MRS2: variants seen among roughly 807,000 people sequenced by gnomAD.
MRS2 encodes the protein magnesium transporter MRS2.
MRS2 carries 40 observed loss-of-function variants against 52.6 expected under a neutral mutation model. The observed-to-expected ratio is 0.76, with a 90% CI of 0.59 to 0.99. The LOEUF is 0.99. Ranked by LOEUF, MRS2 falls within the 50% of genes least tolerant of loss-of-function variation. MRS2 has a pLI of 0.00. For missense variants in MRS2, 472 were observed against 532.7 expected (o/e 0.89, Z 1.12); for synonymous variants, 193 against 195.9 (o/e 0.98, Z 0.13).
Position 24,423,057 on chromosome 6 carries a change from A to C in MRS2, c.1221+7A>C, listed in dbSNP as rs765816896. ...AGCTCCATTGCCTCCTATGGTATGA[A>C]GGATATGGTTCACGGCGGTATTGTG... is the stretch of plus-strand genomic sequence containing the variant. On this transcript the variant is annotated splice_region_variant and intron_variant, in intron 10 of 10. Transcript: ENST00000378386. 6.2e-7 allele frequency: 1 copy of C among 1,607,924 alleles called. No individual in the cohort carries two copies. The highest frequency in any genetic ancestry group is 1.1e-5 in the South Asian group (1 of 90,874).
rs1017919416 is a variant in MRS2 at position 24,416,288 on chromosome 6, G to A, written c.720-109G>A. On this transcript the variant is annotated intron_variant, in intron 6 of 10. Coordinates refer to ENST00000378386, the MANE Select transcript of MRS2 (RefSeq NM_020662.4). ...TTTTTTTTAAATAAGTCATTGTTTA[G>A]CATGAATGTATAAGATAATATATTT... is the stretch of plus-strand genomic sequence containing the variant. The A allele has an allele frequency of 5.9e-6, 3 of 504,760 alleles. No homozygotes were observed. In the African/African-American group the frequency reaches 6.1e-5, roughly 10 times the overall value. 31.3% of individuals were successfully genotyped at this position (504,760 alleles called of 1,614,324 possible).
At chr6:24,411,628 T>C (rs1761653754) in intron 4 of MRS2, among the ~76,000 whole-genome samples, 2 of 152,182 alleles carry the variant, frequency 1.3e-5, no homozygotes, top group Non-Finnish European at 2.9e-5. Context: ...AAACTCCGCC[T>C]CCCAGGTTCA....
At chr6:24,415,902 G>A (rs2127293202) in intron 6 of MRS2, among the ~76,000 whole-genome samples, 1 of 151,462 alleles carries the variant, frequency 6.6e-6, no homozygotes, top group African/African-American at 2.4e-5. Context: ...CAGTGGTGCA[G>A]TCTCAGCTCA....
Position 24,425,235 on chromosome 6 carries a change from CATA to C in MRS2, c.*1546_*1548del, listed in dbSNP as rs1333279077. 1.3e-5 allele frequency: 2 copies of C among 152,164 alleles called. No individual in the cohort carries two copies. Among genetic ancestry groups the C allele is most frequent in the Non-Finnish European group, 2.9e-5 (2 of 68,008 alleles). 9.4% of individuals were successfully genotyped at this position (152,164 alleles called of 1,614,324 possible). A position where few individuals can be genotyped will look rare whatever the true frequency, so the allele number is the denominator to read the frequency against. The stretch of plus-strand genomic sequence containing the variant: ...TTTTGGGTCGTATCACTGTAAAATA[CATA>C]ATAAGTACTACTTAACTGTGACATG... On this transcript the variant is annotated 3_prime_UTR_variant, in exon 11 of 11. Coordinates refer to ENST00000378386, the MANE Select transcript of MRS2 (RefSeq NM_020662.4).
intron 5 of MRS2, among the ~76,000 whole-genome samples, chr6:24,414,100 T>C (rs1761756810): frequency 6.6e-6 from 1 of 151,730 alleles, no homozygotes; most frequent in African/African-American, 2.4e-5. Flanking sequence ...TTATTTTACT[T>C]GATCCCTCAT....
Position 24,418,214 on chromosome 6 carries a change from A to G in MRS2, c.967A>G (p.Ile323Val), listed in dbSNP as rs775588128. The change falls in exon 8 of 11, where the codon ATT becomes GTT. Residue 323 changes from isoleucine to valine, a missense_variant. Coordinates refer to ENST00000378386, the MANE Select transcript of MRS2 (RefSeq NM_020662.4). ...LRVLIDDSQS[I>V]IFINLDSHRN... is the part of the protein sequence containing the mutation. ...GGTGCTGATTGATGATTCACAAAGT[A>G]TTATTTTCATTAATCTGGACAGGTA... The G allele has an allele frequency of 3.1e-6, 5 of 1,610,944 alleles. No homozygotes were observed. Among genetic ancestry groups the G allele is most frequent in the Non-Finnish European group, 4.2e-6 (5 of 1,178,864 alleles).
At chr6:24,405,363 C>A in intron 2 of MRS2, 122 bp downstream of exon 2, 3 of 708,866 alleles carry the variant, frequency 4.2e-6, no homozygotes, top group Admixed American at 4.9e-5. Flanking sequence ...AGCTACATGT[C>A]GTGGCTGTTG....
At chr6:24,411,856 T>TG (rs927145571) in intron 4 of MRS2, among the ~76,000 whole-genome samples, 1 of 150,496 alleles carries the variant, frequency 6.6e-6, no homozygotes, top group African/African-American at 2.4e-5. Context: ...TATTTTTTGG[T>TG]GTTTTTTTTT....
Position 24,409,503 on chromosome 6 carries a change from C to A in MRS2, c.344C>A (p.Ala115Asp). The A allele has an allele frequency of 6.2e-7, 1 of 1,611,420 alleles. No homozygotes were observed. The highest frequency in any genetic ancestry group is 8.5e-7 in the Non-Finnish European group (1 of 1,178,528). ...TTATACCAAGAGTTAGGTCTTCAAG[C>A]CAGAGATTTGAGATTTCAGCATGTA... is the stretch of plus-strand genomic sequence containing the variant. ...TELYQELGLQ[A>D]RDLRFQHVMS... is the part of the protein sequence containing the mutation. Residue 115 changes from alanine (A) to aspartate (D), a missense_variant, in exon 4 of 11, where the codon GCC becomes GAC. Physicochemically the swap from Ala to Asp is moderately radical, Grantham distance 126. Transcript: ENST00000378386.
intron 9 of MRS2, among the ~76,000 whole-genome samples, chr6:24,422,484 A>AC (rs1456563211): frequency 2.0e-4 from 31 of 152,202 alleles, no homozygotes; most frequent in African/African-American, 7.2e-4. Context: ...ACAGTATCGG[A>AC]AGACAAAAAA....
At chr6:24,418,264 T>A in intron 8 of MRS2, 28 bp downstream of exon 8, 2 of 1,519,680 alleles carry the variant, frequency 1.3e-6, no homozygotes, top group Non-Finnish European at 1.8e-6. Context: ...AAAACTAAGT[T>A]TTTTTAATAA....
At chr6:24,411,365 A>G (rs949859512) in intron 4 of MRS2, among the ~76,000 whole-genome samples, 1 of 152,160 alleles carries the variant, frequency 6.6e-6, no homozygotes, top group African/African-American at 2.4e-5. Flanking sequence ...AAATTAGAGT[A>G]GTAAGGCTAT....
rs769591847 is a variant in MRS2, at chr6:24,418,494, G to C, written c.1023G>C (p.Gln341His). The change falls in exon 9 of 11, where the codon CAG becomes CAC. Residue 341 changes from glutamine to histidine, a missense_variant. Physicochemically the swap from Gln to His is conservative, Grantham distance 24 (BLOSUM62 0). Coordinates refer to ENST00000378386, the MANE Select transcript of MRS2 (RefSeq NM_020662.4). ...ACGTGATGATGAGGTTGAATCTACA[G>C]CTGACCATGGGAACCTTCTCTCTTT... Reference protein sequence around the residue: ...HRNVMMRLNLQLTMGTFSLSL... With the variant: ...HRNVMMRLNLHLTMGTFSLSL... 1 of 1,614,156 alleles carries C rather than the reference G, an allele frequency of 6.2e-7. No individual in the cohort carries two copies. The highest frequency in any genetic ancestry group is 1.1e-5 in the South Asian group (1 of 91,082).
intron 9 of MRS2, chr6:24,418,814 A>C: frequency 2.8e-6 from 1 of 351,882 alleles, no homozygotes; most frequent in Admixed American, 4.2e-5. Context: ...CAGGAGAATC[A>C]CTTGAACCCG....
At chr6:24,413,053 C>T (rs1761720925) in intron 5 of MRS2, among the ~76,000 whole-genome samples, 1 of 152,064 alleles carries the variant, frequency 6.6e-6, no homozygotes, top group Admixed American at 6.6e-5. Flanking sequence ...GGCTACACTT[C>T]CTGCTTGGGG....
chr6:24,411,266 A>G (rs929069494), intron 4 of MRS2, among the ~76,000 whole-genome samples: 2 of 152,092 alleles, frequency 1.3e-5, no homozygotes, highest in African/African-American at 2.4e-5. Flanking sequence ...TCTAATTTCT[A>G]TATCACTGAT....
Position 24,426,107 on chromosome 6 carries a change from A to C in MRS2, c.*2413A>C, listed in dbSNP as rs1304928615. ...TTGAAGCCTTGAGAAAAGCTGTTACATATACGCAGATAGTAGCAAGACAGA... is the reference window on the plus strand; with the variant it reads ...TTGAAGCCTTGAGAAAAGCTGTTACCTATACGCAGATAGTAGCAAGACAGA... On this transcript the variant is annotated 3_prime_UTR_variant, in exon 11 of 11. Coordinates refer to ENST00000378386, the MANE Select transcript of MRS2 (RefSeq NM_020662.4). The C allele has an allele frequency of 6.6e-6, 1 of 152,226 alleles. No homozygotes were observed. The highest frequency in any genetic ancestry group is 1.5e-5 in the Non-Finnish European group (1 of 68,038). 9.4% of individuals were successfully genotyped at this position (152,226 alleles called of 1,614,324 possible). A position where few individuals can be genotyped will look rare whatever the true frequency, so the allele number is the denominator to read the frequency against.
chr6:24,405,801 A>T (rs1761452075), intron 2 of MRS2, among the ~76,000 whole-genome samples: 3 of 150,630 alleles, frequency 2.0e-5, no homozygotes, highest in South Asian at 4.2e-4. Flanking sequence ...AAAAAAAAAA[A>T]AGTCTTGATA....
chr6:24,414,944 G>A, intron 5 of MRS2, 89 bp from the exon 6 acceptor site: 1 of 1,209,362 alleles, frequency 8.3e-7, no homozygotes. Context: ...AGCTACTACA[G>A]ATTTCTGTAT....
Sources: allele counts gnomAD v4.1 joint callset (sites outside exome capture counted in the v4.1 genomes callset), GRCh38; gene constraint gnomAD v4.1.1; transcripts MANE v1.5; gene names NCBI Gene and HGNC (gene_info 2026-07-23, HGNC 2026-07-21).